The following KHDC1 variants were observed in gnomAD, a reference collection of about 807,000 sequenced individuals.
KHDC1 encodes KH domain containing 1.
In KHDC1, 21 loss-of-function variants were observed where a neutral mutation model predicts 24.7. The observed-to-expected ratio is 0.85, with a 90% confidence interval of 0.60 to 1.23. The LOEUF is 1.23. KHDC1 is among the 50% of genes most tolerant of loss of function. KHDC1 has a pLI of 0.00. For missense variants in KHDC1, 274 were observed against 298.5 expected, an observed-to-expected ratio of 0.92 and a Z score of 0.61; for synonymous variants, 98 against 111.7, an observed-to-expected ratio of 0.88 and a Z score of 0.77.
At chr6:73,296,499 C>G (rs1053120241) in intron 1 of KHDC1, among the ~76,000 whole-genome samples, 1 of 152,094 alleles carries the variant, frequency 6.6e-6, no homozygotes, top group Non-Finnish European at 1.5e-5. Context: ...ATCAGATATC[C>G]TTAAATGCTT....
intron 2 of KHDC1, among the ~76,000 whole-genome samples, chr6:73,272,005 T>TA (rs77110116): frequency 0.15 from 21,698 of 149,472 alleles, 1,612 homozygotes; most frequent in African/African-American, 0.17. Flanking sequence ...TAATCCCATT[T>TA]AAAAAAAAAG....
At chr6:73,278,867 C>T (rs1315892529) in intron 2 of KHDC1, among the ~76,000 whole-genome samples, 2 of 152,106 alleles carry the variant, frequency 1.3e-5, no homozygotes, top group African/African-American at 4.8e-5. Flanking sequence ...CTATTGTACA[C>T]GAATTTTACA....
intron 2 of KHDC1, among the ~76,000 whole-genome samples, chr6:73,248,187 G>A (rs916959799): frequency 1.3e-5 from 2 of 152,178 alleles, no homozygotes; most frequent in African/African-American, 4.8e-5. Flanking sequence ...AGACAGACCT[G>A]AGGAGGGAGC....
chr6:73,267,134 C>G (rs950776805), intron 2 of KHDC1, among the ~76,000 whole-genome samples: 1 of 152,148 alleles, frequency 6.6e-6, no homozygotes, highest in African/African-American at 2.4e-5. Flanking sequence ...TAGGGAAATG[C>G]AGATCAAAAC....
At chr6:73,273,294 A>G (rs1375718298) in intron 2 of KHDC1, among the ~76,000 whole-genome samples, 2 of 150,132 alleles carry the variant, frequency 1.3e-5, no homozygotes, top group Non-Finnish European at 3.0e-5. Context: ...CAGCCTCCCA[A>G]GTAGCTGGGA....
chr6:73,289,053 G>T (rs1180841646), intron 2 of KHDC1, among the ~76,000 whole-genome samples: 1 of 152,046 alleles, frequency 6.6e-6, no homozygotes, highest in South Asian at 2.2e-4. Flanking sequence ...TAAAATCTAG[G>T]TCAGTCACAG....
At position 73,308,104 on chromosome 6, in the gene KHDC1, T is replaced by C. The variant is rs565797022; in HGVS notation, c.163+1448A>G. On this transcript the variant is annotated intron_variant, in intron 1 of 4. Transcript: ENST00000370384. ...TTTTTTTTTTTTTTGAGACAGAGTC[T>C]GGCTCAGTTGCCCAGACTGGAGTGC... Among the ~76,000 whole-genome samples, 146 of 140,484 alleles carry C rather than the reference T, an allele frequency of 1.0e-3. 1 individual carries two copies. The highest frequency in any genetic ancestry group is 3.8e-3 in the African/African-American group (138 of 36,466). 92.2% of individuals were successfully genotyped at this position (140,484 alleles called of 152,430 possible). A position where few individuals can be genotyped will look rare whatever the true frequency, so the allele number is the denominator to read the frequency against.
At chr6:73,284,419 G>A (rs1767479499) in intron 2 of KHDC1, among the ~76,000 whole-genome samples, 1 of 152,106 alleles carries the variant, frequency 6.6e-6, no homozygotes, top group Admixed American at 6.6e-5. Flanking sequence ...TCCCCACCCA[G>A]AGGTGGGCTT....
At chr6:73,296,221 G>A (rs927542172) in intron 1 of KHDC1, among the ~76,000 whole-genome samples, 3 of 151,902 alleles carry the variant, frequency 2.0e-5, no homozygotes, top group Admixed American at 6.6e-5. Context: ...TTGGGAGGCC[G>A]AGGTGGGCAA....
exon 5 of KHDC1, chr6:73,241,325 G>A: frequency 1.8e-6 from 1 of 553,474 alleles, no homozygotes; most frequent in Non-Finnish European, 3.2e-6. Context: ...TTGCATCATA[G>A]GTAGCTTATT....
rs1178372308 is a variant in KHDC1, at chr6:73,242,255, G to A, written c.332-18C>T. 1 of 1,610,178 alleles carries A rather than the reference G, an allele frequency of 6.2e-7. No homozygotes were observed. Among genetic ancestry groups the A allele is most frequent in the East Asian group, 2.2e-5 (1 of 44,840 alleles). ...ACCATGCCCTGTGAGCATAAGAGGT[G>A]AGAGGAGGTTCTGTCAAGCACCAGC... On this transcript the variant is annotated intron_variant, in intron 3 of 4. Coordinates refer to ENST00000370384, the Ensembl canonical transcript of KHDC1.
intron 2 of KHDC1, among the ~76,000 whole-genome samples, chr6:73,247,085 C>A (rs1471966083): frequency 6.6e-6 from 1 of 151,802 alleles, no homozygotes; most frequent in East Asian, 1.9e-4. Context: ...TCAAGCAATT[C>A]TCCTGCCTCA....
At chr6:73,297,350 G>T (rs1331754634) in intron 1 of KHDC1, among the ~76,000 whole-genome samples, 1 of 151,980 alleles carries the variant, frequency 6.6e-6, no homozygotes, top group Non-Finnish European at 1.5e-5. Flanking sequence ...TAGATTTCAT[G>T]ATGATGAGCA....
intron 2 of KHDC1, among the ~76,000 whole-genome samples, chr6:73,251,499 C>T (rs1766775852): frequency 6.6e-6 from 1 of 152,134 alleles, no homozygotes; most frequent in Admixed American, 6.5e-5. Flanking sequence ...CAATCACTGG[C>T]CCTCTAACCT....
intron 2 of KHDC1, among the ~76,000 whole-genome samples, chr6:73,281,636 AT>A (rs1379106550): frequency 1.4e-5 from 2 of 147,362 alleles, no homozygotes; most frequent in Non-Finnish European, 3.0e-5. Context: ...AAAAAAAAAA[AT>A]GGGTTCTAGA....
At chr6:73,279,828 G>A (rs471270) in intron 2 of KHDC1, among the ~76,000 whole-genome samples, 102,817 of 151,908 alleles carry the variant, frequency 0.68, 38,426 homozygotes, top group Non-Finnish European at 0.83. Flanking sequence ...CACTCACCTC[G>A]GCCTCCCAAA....
intron 1 of KHDC1, among the ~76,000 whole-genome samples, chr6:73,295,738 C>T (rs62440560): frequency 0.045 from 6,822 of 151,868 alleles, 231 homozygotes; most frequent in Middle Eastern, 0.061. Context: ...CCCAGCTACT[C>T]GGGAGGTTGA....
chr6:73,307,832 G>A (rs1028322889), intron 1 of KHDC1, among the ~76,000 whole-genome samples: 2 of 152,102 alleles, frequency 1.3e-5, no homozygotes, highest in South Asian at 2.1e-4. Context: ...CTTAAAACAC[G>A]GGTCTCTGTG....
chr6:73,249,984 T>G (rs931063910), intron 2 of KHDC1, among the ~76,000 whole-genome samples: 1 of 152,214 alleles, frequency 6.6e-6, no homozygotes, highest in African/African-American at 2.4e-5. Flanking sequence ...TAGTTTCTCT[T>G]GCATCCTACA....
Sources: gnomAD v4.1 joint callset for allele counts (sites outside exome capture counted in the v4.1 genomes callset) on GRCh38, gnomAD v4.1.1 for gene constraint, MANE v1.5 for transcripts, NCBI Gene and HGNC (gene_info 2026-07-23, HGNC 2026-07-21) for gene names.